The following BLK variants were observed in gnomAD, a reference collection of about 807,000 sequenced individuals.
BLK encodes the protein tyrosine-protein kinase Blk.
Under a neutral mutation model 61.8 loss-of-function variants are expected in BLK, and 64 were observed. The observed-to-expected ratio is 1.03, with a 90% confidence interval of 0.85 to 1.27. The LOEUF is 1.27. Among genes scored for constraint, BLK ranks in the 50% most tolerant of loss-of-function variants. The probability of loss-of-function intolerance (pLI) is 0.00; values close to 1 mark genes in which losing one functional copy is unlikely to be tolerated. For synonymous variants in BLK, 351 were observed against 272.0 expected (o/e 1.29, Z -2.86); for missense variants, 853 against 660.5 (o/e 1.29, Z -3.19).
intron 1 of BLK, among the ~76,000 whole-genome samples, chr8:11,525,430 C>A (rs1247527499): frequency 6.6e-6 from 1 of 152,134 alleles, no homozygotes; most frequent in Non-Finnish European, 1.5e-5. Flanking sequence ...TGTTAATAGA[C>A]TCCTTTTTTT....
chr8:11,505,660 C>A (rs1798744658), intron 1 of BLK, among the ~76,000 whole-genome samples: 1 of 152,188 alleles, frequency 6.6e-6, no homozygotes, highest in Non-Finnish European at 1.5e-5. Context: ...TGTGTGGCTG[C>A]CAAGGTCTTT....
At chr8:11,515,712 C>T (rs1799196591) in intron 1 of BLK, among the ~76,000 whole-genome samples, 1 of 152,110 alleles carries the variant, frequency 6.6e-6, no homozygotes, top group South Asian at 2.1e-4. Flanking sequence ...TGCAATTTTC[C>T]CCGCCACTGT....
chr8:11,564,420 G>A lies in BLK; in HGVS notation c.*312G>A. On this transcript the variant is annotated 3_prime_UTR_variant, in exon 13 of 13. Coordinates refer to ENST00000259089, the MANE Select transcript of BLK (RefSeq NM_001715.3). Reference sequence around the variant, plus strand: ...TGGTAAGCGACTGTCATCAAGTAAGGCCCCCGTGCTGGGCACCCCCCGTGC... The same window carrying A: ...TGGTAAGCGACTGTCATCAAGTAAGACCCCCGTGCTGGGCACCCCCCGTGC... 5.0e-6 allele frequency: 3 copies of A among 606,060 alleles called. No individual in the cohort carries two copies. Among genetic ancestry groups the A allele is most frequent in the South Asian group, 3.0e-5 (2 of 65,922 alleles). 37.5% of individuals were successfully genotyped at this position (606,060 alleles called of 1,614,324 possible). A position where few individuals can be genotyped will look rare whatever the true frequency, so the allele number is the denominator to read the frequency against.
chr8:11,503,718 TC>T (rs941506069), intron 1 of BLK, among the ~76,000 whole-genome samples: 5 of 152,150 alleles, frequency 3.3e-5, no homozygotes, highest in African/African-American at 9.7e-5. Flanking sequence ...GACTGGAGGT[TC>T]CTATGTGCAG....
chr8:11,506,224 T>G (rs1798765110), intron 1 of BLK, among the ~76,000 whole-genome samples: 1 of 152,238 alleles, frequency 6.6e-6, no homozygotes, highest in Non-Finnish European at 1.5e-5. Flanking sequence ...ACCTTGAATG[T>G]GCTTGAAGCT....
intron 1 of BLK, among the ~76,000 whole-genome samples, chr8:11,537,347 G>A (rs1412200439): frequency 6.6e-5 from 10 of 152,086 alleles, no homozygotes; most frequent in Admixed American, 6.6e-4. Context: ...TTGTGATCGC[G>A]ACACCCAGGG....
chr8:11,544,347 C>A (rs1563110083), intron 2 of BLK, among the ~76,000 whole-genome samples: 1 of 152,136 alleles, frequency 6.6e-6, no homozygotes, highest in South Asian at 2.1e-4. Context: ...CAGTTGGGAG[C>A]CTTGCCGCGA....
Position 11,499,106 on chromosome 8 carries a change from G to A in BLK, c.-2+4515G>A, listed in dbSNP as rs114536661. Among the ~76,000 whole-genome samples the A allele has an allele frequency of 4.9e-3, 745 of 152,336 alleles. 6 individuals are homozygous for A. Among genetic ancestry groups the A allele is most frequent in the African/African-American group, 0.017 (712 of 41,564 alleles). On this transcript the variant is annotated intron_variant, in intron 1 of 12. Coordinates refer to ENST00000259089, the MANE Select transcript of BLK (RefSeq NM_001715.3). ...GCACATAAGATTTCGGTCAATCACAGACTACATATATGATGGTGGTCTCAT... is the reference window on the plus strand; with the variant it reads ...GCACATAAGATTTCGGTCAATCACAAACTACATATATGATGGTGGTCTCAT...
intron 1 of BLK, among the ~76,000 whole-genome samples, chr8:11,526,458 C>G (rs913136804): frequency 6.6e-6 from 1 of 152,194 alleles, no homozygotes; most frequent in African/African-American, 2.4e-5. Context: ...GTGGCTCATA[C>G]TTGTAATCCC....
chr8:11,557,616 A>C (rs1044188319), intron 9 of BLK, among the ~76,000 whole-genome samples: 1 of 152,154 alleles, frequency 6.6e-6, no homozygotes, highest in Non-Finnish European at 1.5e-5. Context: ...AGCGAGGCCA[A>C]CACGGGGGGA....
intron 1 of BLK, among the ~76,000 whole-genome samples, chr8:11,527,149 T>C (rs1307213109): frequency 2.0e-5 from 3 of 150,468 alleles, no homozygotes; most frequent in Non-Finnish European, 4.4e-5. Context: ...TAGACAGCAA[T>C]AAGCTTTTTC....
chr8:11,501,002 G>T (rs184257567), intron 1 of BLK, among the ~76,000 whole-genome samples: 3 of 151,702 alleles, frequency 2.0e-5, no homozygotes, highest in Non-Finnish European at 4.4e-5. Flanking sequence ...TGAGGTCAGG[G>T]GTTCGAGACC....
At chr8:11,503,346 C>G (rs1024697807) in intron 1 of BLK, among the ~76,000 whole-genome samples, 4 of 152,184 alleles carry the variant, frequency 2.6e-5, no homozygotes, top group African/African-American at 9.7e-5. Flanking sequence ...GGTGGGCACT[C>G]TTCTGCAAAG....
At chr8:11,531,689 T>C (rs1388070519) in intron 1 of BLK, among the ~76,000 whole-genome samples, 1 of 152,166 alleles carries the variant, frequency 6.6e-6, no homozygotes, top group African/African-American at 2.4e-5. Context: ...CAGTTACGTG[T>C]CTTCTGACTG....
chr8:11,535,178 TGAAAGAAAGAAAGAAAGAAG>T (rs1434986630), intron 1 of BLK, among the ~76,000 whole-genome samples: 5 of 109,574 alleles, frequency 4.6e-5, no homozygotes, highest in South Asian at 3.0e-4. Flanking sequence ...GACAGATGAA[TGAAAGAAAGAAAGAAAGAAG>T]GAAAGAAAGA....
chr8:11,499,942 C>T (rs918566914), intron 1 of BLK, among the ~76,000 whole-genome samples: 4 of 151,838 alleles, frequency 2.6e-5, no homozygotes, highest in Non-Finnish European at 2.9e-5. Context: ...TTTTTATAAG[C>T]GGTCTCAAAT....
chr8:11,530,527 A>G (rs1799841966), intron 1 of BLK, among the ~76,000 whole-genome samples: 1 of 152,254 alleles, frequency 6.6e-6, no homozygotes, highest in African/African-American at 2.4e-5. Context: ...ACACATTCTT[A>G]TTGAACTTAC....
chr8:11,521,210 C>T (rs776375942), intron 1 of BLK, among the ~76,000 whole-genome samples: 21 of 152,076 alleles, frequency 1.4e-4, no homozygotes, highest in Non-Finnish European at 2.8e-4. Flanking sequence ...TTTGATTTGT[C>T]AAGTCATTAA....
intron 1 of BLK, among the ~76,000 whole-genome samples, chr8:11,508,944 T>G (rs930775099): frequency 1.3e-5 from 2 of 152,136 alleles, no homozygotes; most frequent in African/African-American, 4.8e-5. Context: ...GCGCCTTTTG[T>G]GCCTCCTACT....
Sources: gnomAD v4.1 joint callset for allele counts (sites outside exome capture counted in the v4.1 genomes callset) on GRCh38, gnomAD v4.1.1 for gene constraint, MANE v1.5 for transcripts, NCBI Gene and HGNC (gene_info 2026-07-23, HGNC 2026-07-21) for gene names.